Variants in PDZRN3 observed in about 807,000 individuals in gnomAD.
The protein encoded by PDZRN3 is E3 ubiquitin-protein ligase PDZRN3.
Under a neutral mutation model 85.7 loss-of-function variants are expected in PDZRN3, and 38 were observed. The observed-to-expected ratio is 0.44, with a 90% CI of 0.34 to 0.58. PDZRN3 has a LOEUF of 0.58. Ranked by LOEUF, PDZRN3 falls within the 20% of genes least tolerant of loss-of-function variation. The probability of loss-of-function intolerance (pLI) is 0.01; values close to 1 mark genes in which losing one functional copy is unlikely to be tolerated. For synonymous variants in PDZRN3, 759 were observed against 638.0 expected, an observed-to-expected ratio of 1.19 and a Z score of -2.86; for missense variants, 1,629 against 1,506.4, an observed-to-expected ratio of 1.08 and a Z score of -1.35.
intron 3 of PDZRN3, among the ~76,000 whole-genome samples, chr3:73,425,778 T>C (rs1000159383): frequency 1.3e-5 from 2 of 152,170 alleles, no homozygotes; most frequent in Admixed American, 1.3e-4. Flanking sequence ...TCTAGAAATG[T>C]ACACTAAAGA....
Position 73,384,034 on chromosome 3 carries a change from G to C in PDZRN3, c.2532C>G (p.Asp844Glu). The C allele has an allele frequency of 6.3e-7, 1 of 1,595,704 alleles. No homozygotes were observed. The highest frequency in any genetic ancestry group is 8.5e-7 in the Non-Finnish European group (1 of 1,172,012). Reference protein sequence around the residue: ...PLESKERRASDGSRSPTPSQK... With the variant: ...PLESKERRASEGSRSPTPSQK... ...GGCTGGGCGTGGGGCTCCGGCTCCCGTCGCTGGCTCTCCGCTCTTTGCTTT... is the reference window on the plus strand; with the variant it reads ...GGCTGGGCGTGGGGCTCCGGCTCCCCTCGCTGGCTCTCCGCTCTTTGCTTT... Residue 844 changes from aspartate (D) to glutamate (E), a missense_variant, in exon 10 of 10, where the codon GAC becomes GAG. Physicochemically the swap from Asp to Glu is conservative, Grantham distance 45. Transcript: ENST00000263666.
chr3:73,425,064 G>C (rs1702285120), intron 3 of PDZRN3, among the ~76,000 whole-genome samples: 1 of 151,400 alleles, frequency 6.6e-6, no homozygotes, highest in Non-Finnish European at 1.5e-5. Flanking sequence ...GTCCAGGTTG[G>C]AGTGCAGTGG....
chr3:73,576,893 AAAAT>A (rs1702132283), intron 3 of PDZRN3, among the ~76,000 whole-genome samples: 1 of 152,102 alleles, frequency 6.6e-6, no homozygotes, highest in African/African-American at 2.4e-5. Flanking sequence ...AAGTAAAAAA[AAAAT>A]AACACATTAA....
At chr3:73,623,476 A>G (rs1443164746) in intron 1 of PDZRN3, 1 of 152,264 alleles carries the variant, frequency 6.6e-6, no homozygotes, top group East Asian at 1.9e-4. Flanking sequence ...TCTAGGGACC[A>G]TAGTTTCCAA....
chr3:73,404,287 T>C lies in PDZRN3; in HGVS notation c.1027A>G (p.Lys343Glu), dbSNP rs779318768. 117 of 1,614,070 alleles carry C rather than the reference T, an allele frequency of 7.2e-5. No homozygotes were observed. Among genetic ancestry groups the C allele is most frequent in the Non-Finnish European group, 9.5e-5 (112 of 1,180,054 alleles). ...VQVLRRTPRT[K>E]MFTPPSESQL... ...GACTCTGATGGAGGCGTGAACATTTTGGTCCTTGGTGTTCTTCTCAACACC... is the reference window on the plus strand; with the variant it reads ...GACTCTGATGGAGGCGTGAACATTTCGGTCCTTGGTGTTCTTCTCAACACC... The change falls in exon 4 of 10, where the codon AAA becomes GAA. Residue 343 changes from lysine (K) to glutamate (E), a missense_variant. Transcript: ENST00000263666.
At chr3:73,548,999 G>A (rs1319763687) in intron 3 of PDZRN3, among the ~76,000 whole-genome samples, 2 of 152,178 alleles carry the variant, frequency 1.3e-5, no homozygotes, top group Non-Finnish European at 2.9e-5. Context: ...TTGTTAGGAA[G>A]AACATCAAAC....
At chr3:73,478,571 A>G (rs1026049149) in intron 3 of PDZRN3, among the ~76,000 whole-genome samples, 1 of 151,444 alleles carries the variant, frequency 6.6e-6, no homozygotes, top group Non-Finnish European at 1.5e-5. Context: ...TAATAATAAT[A>G]ATGTAGTAAT....
At chr3:73,521,988 T>G (rs1249675327) in intron 3 of PDZRN3, among the ~76,000 whole-genome samples, 1 of 152,224 alleles carries the variant, frequency 6.6e-6, no homozygotes, top group Non-Finnish European at 1.5e-5. Context: ...GCTGTTTCTG[T>G]AAGGCTTATA....
At chr3:73,603,718 CA>C (rs1161713028) in intron 2 of PDZRN3, among the ~76,000 whole-genome samples, 1 of 151,956 alleles carries the variant, frequency 6.6e-6, no homozygotes, top group East Asian at 1.9e-4. Flanking sequence ...CAGCAAAAAA[CA>C]AAACCAAAAA....
At chr3:73,519,964 C>T (rs542777429) in intron 3 of PDZRN3, among the ~76,000 whole-genome samples, 2 of 152,278 alleles carry the variant, frequency 1.3e-5, no homozygotes, top group Non-Finnish European at 2.9e-5. Context: ...GTGTTATTCA[C>T]ATAGACTATG....
intron 3 of PDZRN3, among the ~76,000 whole-genome samples, chr3:73,494,944 T>G (rs1703838991): frequency 6.6e-6 from 1 of 152,186 alleles, no homozygotes; most frequent in African/African-American, 2.4e-5. Flanking sequence ...TAATGCATAT[T>G]CTCACTTGTA....
At chr3:73,518,287 G>T (rs574602753) in intron 3 of PDZRN3, among the ~76,000 whole-genome samples, 3 of 152,314 alleles carry the variant, frequency 2.0e-5, no homozygotes, top group Non-Finnish European at 4.4e-5. Context: ...CACCTATGTG[G>T]TATCTAGAGT....
At chr3:73,480,951 T>A (rs1703549531) in intron 3 of PDZRN3, among the ~76,000 whole-genome samples, 1 of 152,364 alleles carries the variant, frequency 6.6e-6, no homozygotes, top group Admixed American at 6.5e-5. Context: ...TGTTTATATA[T>A]ACTATTCCAT....
chr3:73,601,868 CAACT>C (rs1702520161), intron 3 of PDZRN3, among the ~76,000 whole-genome samples: 1 of 146,280 alleles, frequency 6.8e-6, no homozygotes, highest in African/African-American at 2.5e-5. Context: ...TCAGGTTGTA[CAACT>C]AACAACAGGC....
Position 73,564,034 on chromosome 3 carries a change from G to A in PDZRN3, c.918+38320C>T, listed in dbSNP as rs150453148. On this transcript the variant is annotated intron_variant, in intron 3 of 9. Coordinates refer to ENST00000263666, the MANE Select transcript of PDZRN3 (RefSeq NM_015009.3). ...GGGCTTCTGGGCTGCTGTGAGCACG[G>A]TTGCTGGTTTAGAGGCTGTGCCTAT... Among the ~76,000 whole-genome samples, 9 of 152,252 alleles carry A rather than the reference G, an allele frequency of 5.9e-5. No individual in the cohort carries two copies. In the East Asian group the frequency reaches 1.7e-3, roughly 29 times the overall value.
chr3:73,431,529 T>C (rs528059742), intron 3 of PDZRN3, among the ~76,000 whole-genome samples: 1 of 152,338 alleles, frequency 6.6e-6, no homozygotes, highest in Non-Finnish European at 1.5e-5. Flanking sequence ...TAATAAGGCT[T>C]TGCATAATAA....
intron 3 of PDZRN3, among the ~76,000 whole-genome samples, chr3:73,470,431 C>A (rs1226506014): frequency 1.3e-5 from 2 of 152,136 alleles, no homozygotes; most frequent in African/African-American, 4.8e-5. Context: ...CATACCAGCT[C>A]ATTTGAGCCT....
chr3:73,437,854 T>C (rs1413339072), intron 3 of PDZRN3, among the ~76,000 whole-genome samples: 1 of 152,176 alleles, frequency 6.6e-6, no homozygotes, highest in Admixed American at 6.5e-5. Context: ...ACCTGCTTGA[T>C]GATACACACC....
rs561847552 is a variant in PDZRN3 at position 73,490,175 on chromosome 3, A to G, written c.919-85780T>C. Among the ~76,000 whole-genome samples, 142 of 152,252 alleles carry G rather than the reference A, an allele frequency of 9.3e-4. No individual in the cohort carries two copies. The Middle Eastern group carries it at 0.024, about 26-fold the overall frequency. ...CACACCTGCACCCCTGGTGGGGCACACCTCTCCCTCTGAAAGGTGGCAAAA... is the reference window on the plus strand; with the variant it reads ...CACACCTGCACCCCTGGTGGGGCACGCCTCTCCCTCTGAAAGGTGGCAAAA... On this transcript the variant is annotated intron_variant, in intron 3 of 9. Coordinates refer to ENST00000263666, the MANE Select transcript of PDZRN3 (RefSeq NM_015009.3).
Sources: allele counts gnomAD v4.1 joint callset (sites outside exome capture counted in the v4.1 genomes callset), GRCh38; gene constraint gnomAD v4.1.1; transcripts MANE v1.5; gene names NCBI Gene and HGNC (gene_info 2026-07-23, HGNC 2026-07-21).